CRPPA: variants seen among roughly 807,000 people sequenced by gnomAD.
CRPPA encodes the protein D-ribitol-5-phosphate cytidylyltransferase.
CRPPA carries 43 observed loss-of-function variants against 52.0 expected under a neutral mutation model. That is an observed-to-expected ratio of 0.83 (90% CI 0.65 to 1.07). The LOEUF is 1.07. Among genes scored for constraint, CRPPA ranks in the 50% least tolerant of loss-of-function variants. CRPPA has a pLI of 0.00. For missense variants in CRPPA, 629 were observed against 551.7 expected (o/e 1.14, Z -1.40); for synonymous variants, 250 against 203.5 (o/e 1.23, Z -1.94).
chr7:16,231,704 A>G (rs1401154218), intron 8 of CRPPA, among the ~76,000 whole-genome samples: 1 of 133,718 alleles, frequency 7.5e-6, no homozygotes, highest in Non-Finnish European at 1.8e-5. Context: ...AAAATTAAAC[A>G]CTCAAAATTT....
intron 2 of CRPPA, among the ~76,000 whole-genome samples, chr7:16,385,710 C>T (rs1391969555): frequency 6.6e-6 from 1 of 152,190 alleles, no homozygotes; most frequent in Non-Finnish European, 1.5e-5. Context: ...TTATAAAAGA[C>T]AATATAAATG....
At chr7:16,192,773 T>C (rs1781641426) in intron 9 of CRPPA, among the ~76,000 whole-genome samples, 1 of 152,168 alleles carries the variant, frequency 6.6e-6, no homozygotes, top group Admixed American at 6.6e-5. Context: ...GGAAGCTCAA[T>C]ACCCTCTAAC....
At chr7:16,262,685 A>C (rs1783840564) in intron 6 of CRPPA, among the ~76,000 whole-genome samples, 1 of 152,152 alleles carries the variant, frequency 6.6e-6, no homozygotes. Flanking sequence ...GAAAATTGAG[A>C]TATTTTCTAC....
At chr7:16,336,580 A>G (rs1241203541) in intron 3 of CRPPA, among the ~76,000 whole-genome samples, 1 of 151,108 alleles carries the variant, frequency 6.6e-6, no homozygotes, top group Non-Finnish European at 1.5e-5. Context: ...AAAGGAAAGA[A>G]GGAACCTACA....
intron 5 of CRPPA, among the ~76,000 whole-genome samples, chr7:16,296,149 A>G (rs1345747028): frequency 6.6e-6 from 1 of 152,204 alleles, no homozygotes; most frequent in Non-Finnish European, 1.5e-5. Context: ...AAATGAAAAT[A>G]CATATAAACA....
chr7:16,167,304 T>A (rs1476124627), intron 9 of CRPPA, among the ~76,000 whole-genome samples: 1 of 152,198 alleles, frequency 6.6e-6, no homozygotes, highest in African/African-American at 2.4e-5. Flanking sequence ...ATACACTATT[T>A]CCTACCTGTT....
intron 1 of CRPPA, among the ~76,000 whole-genome samples, chr7:16,414,469 C>A (rs1788145552): frequency 6.6e-6 from 1 of 151,690 alleles, no homozygotes; most frequent in African/African-American, 2.4e-5. Context: ...TTGCCTCCTA[C>A]AACAGATCCA....
intron 9 of CRPPA, chr7:16,209,273 C>CTTTTTTTTT (rs34795937): frequency 1.3e-4 from 16 of 123,084 alleles, no homozygotes; most frequent in Non-Finnish European, 2.1e-4. Flanking sequence ...TTCTAAGTGT[C>CTTTTTTTTT]TTTTTTTTTT....
chr7:16,254,562 G>A (rs902338672), intron 8 of CRPPA, among the ~76,000 whole-genome samples: 2 of 151,906 alleles, frequency 1.3e-5, no homozygotes, highest in Non-Finnish European at 2.9e-5. Context: ...CACAGGGTGG[G>A]GAACATCAAA....
chr7:16,168,816 G>A (rs1781119764), intron 9 of CRPPA, among the ~76,000 whole-genome samples: 1 of 152,072 alleles, frequency 6.6e-6, no homozygotes, highest in Non-Finnish European at 1.5e-5. Context: ...ATACTATATG[G>A]CTTTATTTAC....
At chr7:16,292,693 T>G (rs1784588846) in intron 5 of CRPPA, among the ~76,000 whole-genome samples, 1 of 151,982 alleles carries the variant, frequency 6.6e-6, no homozygotes, top group African/African-American at 2.4e-5. Flanking sequence ...CCACTTTTCA[T>G]TTGAATACAT....
At position 16,278,222 on chromosome 7, in the gene CRPPA, T is replaced by G; in HGVS notation, c.840A>C (p.Arg280Ser). 1 of 1,523,892 alleles carries G rather than the reference T, an allele frequency of 6.6e-7. No homozygotes were observed. Among genetic ancestry groups the G allele is most frequent in the Non-Finnish European group, 8.9e-7 (1 of 1,120,190 alleles). The allele number at this position is 1,523,892 out of a possible 1,614,324, so 94.4% of individuals were successfully genotyped here. Residue 280 changes from arginine (R) to serine (S), a missense_variant, in exon 6 of 10, where the codon AGA becomes AGC. Coordinates refer to ENST00000407010, the MANE Select transcript of CRPPA (RefSeq NM_001101426.4). ...TAACTACACAAATCTCTTGGGAAAT[T>G]CTCTCTGAAATTAAAAAAAAAAAGT... Reference protein sequence around the residue: ...LYAAESIIKERISQEICVVMD... With the variant: ...LYAAESIIKESISQEICVVMD...
intron 9 of CRPPA, among the ~76,000 whole-genome samples, 164 bp downstream of exon 9, chr7:16,215,902 T>C (rs556402809): frequency 1.3e-5 from 2 of 152,328 alleles, no homozygotes; most frequent in African/African-American, 4.8e-5. Flanking sequence ...TCTATTTTTT[T>C]CCTAGAGGCA....
intron 9 of CRPPA, among the ~76,000 whole-genome samples, chr7:16,131,312 C>T (rs1019477518): frequency 2.0e-5 from 3 of 152,066 alleles, no homozygotes; most frequent in African/African-American, 7.2e-5. Flanking sequence ...ATAGAGAAAG[C>T]TTTAATTTTC....
intron 9 of CRPPA, among the ~76,000 whole-genome samples, chr7:16,150,067 G>T (rs544062707): frequency 1.3e-5 from 2 of 151,370 alleles, no homozygotes; most frequent in East Asian, 3.9e-4. Flanking sequence ...ACCTCATTGA[G>T]ACATTATGTG....
chr7:16,419,668 C>T (rs931035235), intron 1 of CRPPA, among the ~76,000 whole-genome samples: 4 of 152,084 alleles, frequency 2.6e-5, no homozygotes, highest in Non-Finnish European at 5.9e-5. Flanking sequence ...CACCACCCAA[C>T]CCAGTAATCT....
intron 6 of CRPPA, among the ~76,000 whole-genome samples, chr7:16,263,933 T>C (rs1428131935): frequency 6.6e-6 from 1 of 152,126 alleles, no homozygotes; most frequent in East Asian, 1.9e-4. Context: ...ATACACAATA[T>C]TTACATAAAA....
At chr7:16,389,130 A>C (rs1029072152) in intron 2 of CRPPA, among the ~76,000 whole-genome samples, 1 of 152,204 alleles carries the variant, frequency 6.6e-6, no homozygotes, top group Non-Finnish European at 1.5e-5. Context: ...AATTTTTCAC[A>C]AAGAAAAGCC....
rs531394767 is a variant in CRPPA, at chr7:16,296,831, G to C, written c.835+4590C>G. ...AACATTATATGCTTTTCACACACCT[G>C]TGATGCCAGTAACAAACACTTTCTA... On this transcript the variant is annotated intron_variant, in intron 5 of 9. Coordinates refer to ENST00000407010, the MANE Select transcript of CRPPA (RefSeq NM_001101426.4). Among the ~76,000 whole-genome samples the C allele has an allele frequency of 1.7e-3, 259 of 152,252 alleles. 1 individual carries two copies. Among genetic ancestry groups the C allele is most frequent in the African/African-American group, 5.9e-3 (247 of 41,564 alleles).
Sources: allele counts gnomAD v4.1 joint callset (sites outside exome capture counted in the v4.1 genomes callset), GRCh38; gene constraint gnomAD v4.1.1; transcripts MANE v1.5; gene names NCBI Gene and HGNC (gene_info 2026-07-23, HGNC 2026-07-21).